The following PHLDB3 variants were observed in gnomAD, a reference collection of about 807,000 sequenced individuals.
PHLDB3 encodes pleckstrin homology like domain family B member 3.
In PHLDB3, 86 loss-of-function variants were observed where a neutral mutation model predicts 85.7. The ratio of observed to expected loss-of-function variants is 1.00; its 90% CI spans 0.84 to 1.20. The LOEUF (loss-of-function observed/expected upper bound fraction) is 1.20, where lower values mean the gene tolerates loss of function less well. Among genes scored for constraint, PHLDB3 ranks in the 50% most tolerant of loss-of-function variants. The pLI is 0.00. For missense variants in PHLDB3, 995 were observed against 873.0 expected, an observed-to-expected ratio of 1.14 and a Z score of -1.76; for synonymous variants, 376 against 349.8, an observed-to-expected ratio of 1.07 and a Z score of -0.83.
At chr19:43,490,577 AT>A (rs547283665) in intron 9 of PHLDB3, among the ~76,000 whole-genome samples, 10 of 152,162 alleles carry the variant, frequency 6.6e-5, no homozygotes, top group Non-Finnish European at 1.2e-4. Context: ...ACTAAAAAAA[AT>A]AAAAACTCTG....
rs747312752 is a variant in PHLDB3 at position 43,486,814 on chromosome 19, G to T, written c.1306C>A (p.Leu436Ile). The T allele has an allele frequency of 2.5e-6, 4 of 1,591,982 alleles. No individual in the cohort carries two copies. In the Admixed American group the frequency reaches 6.9e-5, roughly 27 times the overall value. Residue 436 changes from leucine (L) to isoleucine (I), a missense_variant, in exon 11 of 16, where the codon CTC (leucine) becomes ATC (isoleucine). Physicochemically the swap from Leu to Ile is conservative, Grantham distance 5. Transcript: ENST00000292140. ...PAVGDSGRYP[L>I]YQLLNCGRGN... ...CGGCCACAGTTCAGCAGCTGGTAGA[G>T]GGGGTATCTGCCGGAGTCCCCCACT...
intron 9 of PHLDB3, among the ~76,000 whole-genome samples, chr19:43,492,223 T>C (rs754897694): frequency 1.6e-4 from 25 of 151,866 alleles, no homozygotes; most frequent in South Asian, 4.2e-4. Context: ...AGTGCTGGGA[T>C]TACAGGTGTG....
At chr19:43,489,899 C>T (rs1253014176) in intron 9 of PHLDB3, among the ~76,000 whole-genome samples, 6 of 151,430 alleles carry the variant, frequency 4.0e-5, no homozygotes, top group South Asian at 2.1e-4. Context: ...TCCAGCTACT[C>T]GGGAGTCTGA....
At chr19:43,500,909 A>ACCCCCCCCCCCCCCCCCC (rs1248570317) in intron 4 of PHLDB3, among the ~76,000 whole-genome samples, 6 of 17,148 alleles carry the variant, frequency 3.5e-4, no homozygotes, top group Admixed American at 1.2e-3. Context: ...CGCCCCCCGT[A>ACCCCCCCCCCCCCCCCCC]CCCCCCCCCC....
intron 9 of PHLDB3, among the ~76,000 whole-genome samples, chr19:43,491,945 G>GTGT (rs1703472512): frequency 2.3e-5 from 3 of 129,578 alleles, no homozygotes; most frequent in South Asian, 2.4e-4. Context: ...GCACCTGGCC[G>GTGT]TTTTTTTTTT....
chr19:43,487,832 A>G lies in PHLDB3; in HGVS notation c.1150-709T>C, dbSNP rs75061411. Among the ~76,000 whole-genome samples the G allele has an allele frequency of 5.2e-3, 793 of 152,178 alleles. 25 individuals are homozygous for G. In the East Asian group the frequency reaches 0.097, roughly 19 times the overall value. On this transcript the variant is annotated intron_variant, in intron 9 of 15. Transcript: ENST00000292140. ...ATGAATGAATTGTATAGGGACGTGAATTATGCCTCAATAAAACTCTTTCTA... is the reference window on the plus strand; with the variant it reads ...ATGAATGAATTGTATAGGGACGTGAGTTATGCCTCAATAAAACTCTTTCTA...
At chr19:43,484,296 T>C (rs1345102441) in intron 13 of PHLDB3, among the ~76,000 whole-genome samples, 1 of 151,218 alleles carries the variant, frequency 6.6e-6, no homozygotes, top group African/African-American at 2.4e-5. Flanking sequence ...AATAAATTTT[T>C]AAAAACATAT....
chr19:43,475,994 A>G (rs954863956), intron 15 of PHLDB3, among the ~76,000 whole-genome samples: 1 of 152,102 alleles, frequency 6.6e-6, no homozygotes, highest in Non-Finnish European at 1.5e-5. Flanking sequence ...CCAGGGTTTC[A>G]CAGTGTTTGT....
Position 43,475,433 on chromosome 19 carries a change from C to T in PHLDB3, c.1900G>A (p.Ala634Thr), listed in dbSNP as rs370087336. The change falls in exon 16 of 16, where the codon GCT (alanine) becomes ACT (threonine). Residue 634 changes from alanine (A) to threonine (T), a missense_variant. Ala to Thr is a moderately conservative substitution (Grantham distance 58). Coordinates refer to ENST00000292140, the MANE Select transcript of PHLDB3 (RefSeq NM_198850.4). ...ACTCAGGGGGCGTGGTTTTCGTCAG[C>T]GGCGGTCACGATGACGTCCATCCAA... is the stretch of plus-strand genomic sequence containing the variant. Reference protein sequence around the residue: ...RIWMDVIVTAADENHAP With the variant: ...RIWMDVIVTATDENHAP 2 of 1,613,934 alleles carry T rather than the reference C, an allele frequency of 1.2e-6. No individual in the cohort carries two copies. Among genetic ancestry groups the T allele is most frequent in the Non-Finnish European group, 1.7e-6 (2 of 1,179,834 alleles).
At chr19:43,501,970 G>A in intron 3 of PHLDB3, 99 bp from the exon 4 acceptor site, 16 of 1,484,846 alleles carry the variant, frequency 1.1e-5, no homozygotes, top group Non-Finnish European at 1.4e-5. Context: ...TGGACTCCAG[G>A]GACCTGAATT....
chr19:43,490,674 A>G (rs149311360), intron 9 of PHLDB3, among the ~76,000 whole-genome samples: 47 of 152,290 alleles, frequency 3.1e-4, no homozygotes, highest in African/African-American at 1.1e-3. Flanking sequence ...CCTTCCTTCC[A>G]GCCACATTCC....
chr19:43,497,280 C>G lies in PHLDB3; in HGVS notation c.664-1G>C. ...GGGCCACATCCAGTTGTTCCCTCATCTATAGGTCGGAACACAAAAAGGGTG... is the reference window on the plus strand; with the variant it reads ...GGGCCACATCCAGTTGTTCCCTCATGTATAGGTCGGAACACAAAAAGGGTG... On this transcript the variant is annotated splice_acceptor_variant, in intron 5 of 15. Coordinates refer to ENST00000292140, the MANE Select transcript of PHLDB3 (RefSeq NM_198850.4). LOFTEE classifies it high-confidence loss of function. 1 of 1,439,040 alleles carries G rather than the reference C, an allele frequency of 6.9e-7. No homozygotes were observed. The highest frequency in any genetic ancestry group is 9.1e-7 in the Non-Finnish European group (1 of 1,093,118). The allele number at this position is 1,439,040 out of a possible 1,614,324, so 89.1% of individuals were successfully genotyped here. A position where few individuals can be genotyped will look rare whatever the true frequency, so the allele number is the denominator to read the frequency against.
rs3951008 is a variant in PHLDB3, at chr19:43,494,129, G to T, written c.1149+573C>A. Among the ~76,000 whole-genome samples, 792 of 152,224 alleles carry T rather than the reference G, an allele frequency of 5.2e-3. 5 individuals carry two copies. The highest frequency in any genetic ancestry group is 0.018 in the African/African-American group (760 of 41,526). ...CTCACTGCAACCTCTGCCTTCTCAG[G>T]TTCAAGTAATTCTCGTGCCTCAGCC... On this transcript the variant is annotated intron_variant, in intron 9 of 15. Coordinates refer to ENST00000292140, the MANE Select transcript of PHLDB3 (RefSeq NM_198850.4).
Position 43,497,279 on chromosome 19 carries a change from T to G in PHLDB3, c.664A>C (p.Met222Leu). The change falls in exon 6 of 16, where the codon ATG becomes CTG. Residue 222 changes from methionine to leucine, a missense_variant and splice_region_variant. Transcript: ENST00000292140. ...TGGGCCACATCCAGTTGTTCCCTCA[T>G]CTATAGGTCGGAACACAAAAAGGGT... is the stretch of plus-strand genomic sequence containing the variant. ...RERLLQGVQE[M>L]REQLDVAQRA... 4 of 1,438,830 alleles carry G rather than the reference T, an allele frequency of 2.8e-6. No individual in the cohort carries two copies. Among genetic ancestry groups the G allele is most frequent in the Non-Finnish European group, 3.7e-6 (4 of 1,092,870 alleles). 89.1% of individuals were successfully genotyped at this position (1,438,830 alleles called of 1,614,324 possible).
chr19:43,497,409 G>T, intron 5 of PHLDB3, 130 bp from the exon 6 acceptor site: 2 of 821,108 alleles, frequency 2.4e-6, no homozygotes, highest in Non-Finnish European at 3.6e-6. Context: ...TCCTGGGGAG[G>T]AGGGGGCTAA....
Position 43,486,201 on chromosome 19 carries a change from G to A in PHLDB3, c.1485+65C>T, listed in dbSNP as rs1056109939. The A allele has an allele frequency of 2.1e-5, 32 of 1,523,918 alleles. No homozygotes were observed. The African/African-American group carries it at 3.3e-4, about 16-fold the overall frequency. 94.4% of individuals were successfully genotyped at this position (1,523,918 alleles called of 1,614,324 possible). Reference sequence around the variant, plus strand: ...AGAGGAAAGGGTCAGATGTAAGAAAGGGCATAGGTCAGGGGGAGAAACAGA... The same window carrying A: ...AGAGGAAAGGGTCAGATGTAAGAAAAGGCATAGGTCAGGGGGAGAAACAGA... On this transcript the variant is annotated intron_variant, in intron 13 of 15. Coordinates refer to ENST00000292140, the MANE Select transcript of PHLDB3 (RefSeq NM_198850.4).
chr19:43,502,969 A>T (rs1971651352), intron 2 of PHLDB3, among the ~76,000 whole-genome samples: 1 of 146,628 alleles, frequency 6.8e-6, no homozygotes, highest in Non-Finnish European at 1.5e-5. Flanking sequence ...ACCTGACCCC[A>T]GTCTCTCAGA....
At position 43,483,537 on chromosome 19, in the gene PHLDB3, T is replaced by G. The variant is rs774451577; in HGVS notation, c.1485+2729A>C. 1.2e-4 allele frequency among the ~76,000 whole-genome samples: 19 copies of G among 152,220 alleles called. 1 individual carries two copies. Among genetic ancestry groups the G allele is most frequent in the Admixed American group, 3.9e-4 (6 of 15,262 alleles). ...CAAGTGATCCTCCCACCTCGGCCTC[T>G]CAAAGTGCTGAGATTATAGGCGTGA... On this transcript the variant is annotated intron_variant, in intron 13 of 15. Coordinates refer to ENST00000292140, the MANE Select transcript of PHLDB3 (RefSeq NM_198850.4).
Position 43,486,854 on chromosome 19 carries a change from T to C in PHLDB3, c.1266A>G (p.Ser422=), listed in dbSNP as rs778531323. The part of the protein sequence containing the change: ...SFHCTESLEA[S]ALPPAVGDSG... ...AGTCCCCCACTGCTGGCGGGAGAGCTGAGGCCTCCAGGGATTCTAGGGTAG... is the reference window on the plus strand; with the variant it reads ...AGTCCCCCACTGCTGGCGGGAGAGCCGAGGCCTCCAGGGATTCTAGGGTAG... Residue 422 remains serine (S), a synonymous_variant, in exon 11 of 16, where the codon TCA becomes TCG. Transcript: ENST00000292140. 15 of 1,566,680 alleles carry C rather than the reference T, an allele frequency of 9.6e-6. No individual in the cohort carries two copies. In the East Asian group the frequency reaches 2.3e-4, roughly 24 times the overall value.
Sources: allele counts gnomAD v4.1 joint callset (sites outside exome capture counted in the v4.1 genomes callset), GRCh38; gene constraint gnomAD v4.1.1; transcripts MANE v1.5; gene names NCBI Gene and HGNC (gene_info 2026-07-23, HGNC 2026-07-21).